Variants in DAB1 observed in about 807,000 individuals in gnomAD.
DAB1 encodes disabled homolog 1.
In DAB1, 15 loss-of-function variants were observed where a neutral mutation model predicts 64.6. That is an observed-to-expected ratio of 0.23 (90% confidence interval 0.16 to 0.36). The LOEUF (loss-of-function observed/expected upper bound fraction) is 0.36, where lower values mean the gene tolerates loss of function less well. Ranked by LOEUF, DAB1 falls within the 10% of genes least tolerant of loss-of-function variation. The probability of loss-of-function intolerance (pLI) is 1.00; values close to 1 mark genes in which losing one functional copy is unlikely to be tolerated. For synonymous variants in DAB1, 235 were observed against 251.9 expected (o/e 0.93, Z 0.64); for missense variants, 596 against 706.7 (o/e 0.84, Z 1.78).
intron 2 of DAB1, among the ~76,000 whole-genome samples, chr1:57,197,065 G>A (rs186898099): frequency 2.6e-5 from 4 of 152,344 alleles, no homozygotes; most frequent in East Asian, 3.9e-4. Flanking sequence ...GCCAGGCGCC[G>A]TGGCTAACGC....
intron 7 of DAB1, among the ~76,000 whole-genome samples, chr1:57,607,437 T>C (rs1183619851): frequency 6.6e-6 from 1 of 152,196 alleles, no homozygotes; most frequent in East Asian, 1.9e-4. Flanking sequence ...AAACTTGTTT[T>C]TCCTTCTGCC....
At chr1:58,305,743 G>A (rs567694388) in intron 4 of DAB1, among the ~76,000 whole-genome samples, 4 of 152,060 alleles carry the variant, frequency 2.6e-5, no homozygotes, top group African/African-American at 7.2e-5. Flanking sequence ...CTCTGTTTCC[G>A]GAATATGTAA....
chr1:57,462,525 A>G (rs895253094), intron 7 of DAB1, among the ~76,000 whole-genome samples: 28 of 152,192 alleles, frequency 1.8e-4, no homozygotes, highest in Admixed American at 1.5e-3. Flanking sequence ...AATGAATTCT[A>G]TATCTTCAAA....
chr1:58,243,163 T>G (rs1427688365), intron 4 of DAB1, among the ~76,000 whole-genome samples: 1 of 152,030 alleles, frequency 6.6e-6, no homozygotes, highest in Non-Finnish European at 1.5e-5. Flanking sequence ...CTCCTTCCTG[T>G]CACTTTCCAA....
At chr1:58,465,595 G>C (rs972511761) in intron 3 of DAB1, among the ~76,000 whole-genome samples, 1 of 152,158 alleles carries the variant, frequency 6.6e-6, no homozygotes, top group Admixed American at 6.5e-5. Flanking sequence ...ACACAGTGAG[G>C]TGTAGGTATA....
chr1:57,118,249 T>C (rs368382140), intron 4 of DAB1, among the ~76,000 whole-genome samples: 8 of 152,138 alleles, frequency 5.3e-5, no homozygotes, highest in African/African-American at 1.9e-4. Flanking sequence ...GACTCTCTAA[T>C]GACAGTGTAG....
chr1:58,122,047 C>T (rs980570018), intron 5 of DAB1, among the ~76,000 whole-genome samples: 5 of 152,246 alleles, frequency 3.3e-5, no homozygotes, highest in East Asian at 1.9e-4. Flanking sequence ...GATAAATACA[C>T]GGAAGACAAA....
chr1:57,529,481 T>C (rs1244780486), intron 7 of DAB1, among the ~76,000 whole-genome samples: 5 of 152,096 alleles, frequency 3.3e-5, no homozygotes, highest in African/African-American at 9.7e-5. Context: ...CATTTACACA[T>C]AATGCCCTTG....
At chr1:57,239,708 A>T (rs896967066) in intron 2 of DAB1, among the ~76,000 whole-genome samples, 9 of 152,294 alleles carry the variant, frequency 5.9e-5, no homozygotes, top group Admixed American at 1.3e-4. Context: ...TACCCAAAAG[A>T]TTATTTCATC....
chr1:57,160,901 C>A (rs1416363122), intron 2 of DAB1, among the ~76,000 whole-genome samples: 1 of 152,038 alleles, frequency 6.6e-6, no homozygotes, highest in Non-Finnish European at 1.5e-5. Flanking sequence ...AACACCCAGG[C>A]CCCATGTCTC....
chr1:58,454,996 T>C (rs895597990), intron 3 of DAB1, among the ~76,000 whole-genome samples: 2 of 152,220 alleles, frequency 1.3e-5, no homozygotes, highest in Non-Finnish European at 1.5e-5. Context: ...ACATTTTCTC[T>C]CCAGCTCATG....
intron 5 of DAB1, among the ~76,000 whole-genome samples, chr1:58,063,583 C>T (rs570838282): frequency 6.6e-6 from 1 of 152,278 alleles, no homozygotes; most frequent in Admixed American, 6.5e-5. Flanking sequence ...TATCAAGCCC[C>T]TTGCAAGCTA....
chr1:57,183,495 G>GGGTTCC (rs1663202552), intron 2 of DAB1, among the ~76,000 whole-genome samples: 1 of 152,192 alleles, frequency 6.6e-6, no homozygotes, highest in Admixed American at 6.5e-5. Context: ...ATGAAACAGA[G>GGGTTCC]AGGGAAGGAG....
At chr1:57,330,504 A>C (rs534829168) in intron 1 of DAB1, among the ~76,000 whole-genome samples, 1 of 152,294 alleles carries the variant, frequency 6.6e-6, no homozygotes, top group African/African-American at 2.4e-5. Context: ...CCTCACCTGC[A>C]AGAGGGAGAG....
At chr1:57,627,521 A>C (rs1645937099) in intron 7 of DAB1, among the ~76,000 whole-genome samples, 1 of 152,194 alleles carries the variant, frequency 6.6e-6, no homozygotes, top group African/African-American at 2.4e-5. Context: ...TTGTGTACTC[A>C]TGACATATGA....
chr1:58,284,741 G>A (rs1361087453), intron 4 of DAB1, among the ~76,000 whole-genome samples: 1 of 152,200 alleles, frequency 6.6e-6, no homozygotes, highest in Admixed American at 6.5e-5. Context: ...ATAAACTGAG[G>A]CTCAGAAATA....
At chr1:58,316,581 G>A (rs1228232965) in intron 4 of DAB1, among the ~76,000 whole-genome samples, 4 of 152,136 alleles carry the variant, frequency 2.6e-5, no homozygotes, top group African/African-American at 9.7e-5. Context: ...GGAGTATGGT[G>A]AGTAGTGCTA....
intron 6 of DAB1, among the ~76,000 whole-genome samples, chr1:57,813,226 C>A (rs905939696): frequency 2.6e-5 from 4 of 152,116 alleles, no homozygotes; most frequent in Admixed American, 2.0e-4. Context: ...ACATGGCAGC[C>A]TTTCTTTACC....
At chr1:58,375,120 C>T (rs1644310481) in intron 3 of DAB1, among the ~76,000 whole-genome samples, 1 of 149,084 alleles carries the variant, frequency 6.7e-6, no homozygotes, top group African/African-American at 2.5e-5. Context: ...ATCATGTCGT[C>T]TGCAAACAGG....
Sources: allele counts gnomAD v4.1 joint callset (sites outside exome capture counted in the v4.1 genomes callset), GRCh38; gene constraint gnomAD v4.1.1; transcripts MANE v1.5; gene names NCBI Gene and HGNC (gene_info 2026-07-23, HGNC 2026-07-21).